LRMDA: variants seen among roughly 807,000 people sequenced by gnomAD.
LRMDA encodes leucine-rich melanocyte differentiation-associated protein.
Under a neutral mutation model 29.8 loss-of-function variants are expected in LRMDA, and 18 were observed. The ratio of observed to expected loss-of-function variants is 0.60; its 90% CI spans 0.42 to 0.90. LRMDA has a LOEUF of 0.90. Among genes scored for constraint, LRMDA ranks in the 40% least tolerant of loss-of-function variants. LRMDA has a pLI of 0.00. For synonymous variants in LRMDA, 125 were observed against 109.4 expected, an observed-to-expected ratio of 1.14 and a Z score of -0.89; for missense variants, 273 against 273.9, an observed-to-expected ratio of 1.00 and a Z score of 0.02.
intron 2 of LRMDA, among the ~76,000 whole-genome samples, chr10:75,452,868 G>A (rs967474338): frequency 6.6e-5 from 10 of 152,208 alleles, no homozygotes; most frequent in African/African-American, 2.4e-4. Flanking sequence ...ACACTGCTTA[G>A]TGTGGTCACT....
intron 6 of LRMDA, among the ~76,000 whole-genome samples, chr10:76,407,979 A>G (rs1841920059): frequency 6.6e-6 from 1 of 152,224 alleles, no homozygotes; most frequent in Non-Finnish European, 1.5e-5. Flanking sequence ...TTTCTGCCAT[A>G]TTACAGATGA....
At chr10:76,150,458 C>A (rs55634716) in intron 5 of LRMDA, among the ~76,000 whole-genome samples, 20,667 of 152,214 alleles carry the variant, frequency 0.14, 1,575 homozygotes, top group East Asian at 0.24. Context: ...CCCTCCCCTG[C>A]CAGGAAACTC....
chr10:76,377,642 T>C (rs1841537848), intron 6 of LRMDA, among the ~76,000 whole-genome samples: 1 of 152,228 alleles, frequency 6.6e-6, no homozygotes. Flanking sequence ...TGATGTCCTT[T>C]CTCCAGTATA....
chr10:76,151,070 C>A (rs1850432538), intron 5 of LRMDA, among the ~76,000 whole-genome samples: 1 of 152,148 alleles, frequency 6.6e-6, no homozygotes, highest in Non-Finnish European at 1.5e-5. Flanking sequence ...GTCATCCAGA[C>A]CTGAGCAGGC....
At chr10:75,805,450 C>T (rs955647469) in intron 2 of LRMDA, among the ~76,000 whole-genome samples, 3 of 152,190 alleles carry the variant, frequency 2.0e-5, no homozygotes, top group Admixed American at 6.5e-5. Context: ...ATGAACAGAA[C>T]ATCTGAATCA....
At chr10:75,922,205 T>C (rs561627849) in intron 2 of LRMDA, among the ~76,000 whole-genome samples, 22 of 152,334 alleles carry the variant, frequency 1.4e-4, no homozygotes, top group African/African-American at 5.3e-4. Flanking sequence ...ATTTCCTCCC[T>C]TTCTGGAAAA....
At chr10:76,240,282 C>G (rs1424513882) in intron 5 of LRMDA, among the ~76,000 whole-genome samples, 1 of 151,328 alleles carries the variant, frequency 6.6e-6, no homozygotes, top group Non-Finnish European at 1.5e-5. Context: ...GCATTTGCAG[C>G]AACCTGGATG....
rs553434048 is a variant in LRMDA, at chr10:76,351,173, T to C, written c.601+26688T>C. ...GATATGTCAGGGGTTGGCAAGAGCA[T>C]GTAGGAAATGCAGAATGAAGGATGC... On this transcript the variant is annotated intron_variant, in intron 6 of 6. Coordinates refer to ENST00000611255, the MANE Select transcript of LRMDA (RefSeq NM_001305581.2). Among the ~76,000 whole-genome samples, 3 of 152,200 alleles carry C rather than the reference T, an allele frequency of 2.0e-5. No individual in the cohort carries two copies. In the South Asian group the frequency reaches 6.2e-4, roughly 32 times the overall value.
At chr10:75,858,317 T>C (rs1589231112) in intron 2 of LRMDA, among the ~76,000 whole-genome samples, 1 of 152,176 alleles carries the variant, frequency 6.6e-6, no homozygotes, top group East Asian at 1.9e-4. Flanking sequence ...CAAGCTAAAA[T>C]ATATCCATAT....
chr10:76,020,579 A>C (rs1589291787), intron 2 of LRMDA, among the ~76,000 whole-genome samples: 2 of 152,254 alleles, frequency 1.3e-5, no homozygotes, highest in East Asian at 3.9e-4. Flanking sequence ...AGGTGAGGAC[A>C]TCTGGGCATC....
chr10:76,315,914 T>C (rs2132385727), intron 5 of LRMDA, among the ~76,000 whole-genome samples: 1 of 152,222 alleles, frequency 6.6e-6, no homozygotes, highest in Non-Finnish European at 1.5e-5. Flanking sequence ...CCCACTCCAA[T>C]GACCTGCCTG....
chr10:76,219,441 CA>C (rs528448028), intron 5 of LRMDA, among the ~76,000 whole-genome samples: 40 of 150,930 alleles, frequency 2.7e-4, no homozygotes, highest in African/African-American at 9.7e-5. Context: ...AAATGGAAAA[CA>C]AAAAAAAGGC....
At chr10:75,952,245 C>T (rs1007773930) in intron 2 of LRMDA, among the ~76,000 whole-genome samples, 2 of 152,020 alleles carry the variant, frequency 1.3e-5, no homozygotes, top group African/African-American at 4.8e-5. Flanking sequence ...GGTATGACCT[C>T]GTGTTGTATT....
chr10:76,096,983 A>T (rs1849321242), intron 5 of LRMDA, among the ~76,000 whole-genome samples: 1 of 149,494 alleles, frequency 6.7e-6, no homozygotes, highest in South Asian at 2.1e-4. Flanking sequence ...ATTGACAATC[A>T]TGTTACTTTT....
chr10:76,375,199 A>T (rs1328605605), intron 6 of LRMDA, among the ~76,000 whole-genome samples: 1 of 152,212 alleles, frequency 6.6e-6, no homozygotes, highest in Non-Finnish European at 1.5e-5. Context: ...TGAAGAAGCC[A>T]TAAGGAGCCT....
chr10:75,890,862 T>C (rs1845474973), intron 2 of LRMDA, among the ~76,000 whole-genome samples: 1 of 151,650 alleles, frequency 6.6e-6, no homozygotes, highest in Non-Finnish European at 1.5e-5. Context: ...TCCAGCACTT[T>C]GGGAGGCTGA....
intron 5 of LRMDA, among the ~76,000 whole-genome samples, chr10:76,224,037 G>A (rs1457659591): frequency 1.3e-5 from 2 of 152,098 alleles, no homozygotes; most frequent in African/African-American, 2.4e-5. Flanking sequence ...ACATAAGTTA[G>A]GGTTGGGAAG....
Position 75,786,994 on chromosome 10 carries a change from G to A in LRMDA, c.132-249014G>A, listed in dbSNP as rs538638694. On this transcript the variant is annotated intron_variant, in intron 2 of 6. Transcript: ENST00000611255. ...TACAGTGTGTCACTCTCAGTGTAGTGCTTATGACCACCTTGGGGAATGTGA... is the reference window on the plus strand; with the variant it reads ...TACAGTGTGTCACTCTCAGTGTAGTACTTATGACCACCTTGGGGAATGTGA... Among the ~76,000 whole-genome samples, 19 of 152,284 alleles carry A rather than the reference G, an allele frequency of 1.2e-4. No individual in the cohort carries two copies. The South Asian group carries it at 3.1e-3, about 25-fold the overall frequency.
chr10:76,293,360 T>C (rs1303305689), intron 5 of LRMDA, among the ~76,000 whole-genome samples: 3 of 152,158 alleles, frequency 2.0e-5, no homozygotes, highest in Admixed American at 1.3e-4. Flanking sequence ...AACGAGAGGG[T>C]AATGTTTGCC....
Sources: allele counts gnomAD v4.1 joint callset (sites outside exome capture counted in the v4.1 genomes callset), GRCh38; gene constraint gnomAD v4.1.1; transcripts MANE v1.5; gene names NCBI Gene and HGNC (gene_info 2026-07-23, HGNC 2026-07-21).